GPR34: variants seen among roughly 807,000 people sequenced by gnomAD.
GPR34 encodes the protein probable G protein-coupled receptor 34.
A neutral mutation model predicts 14.1 loss-of-function variants in GPR34; 3 were observed. That is an observed-to-expected ratio of 0.21 (90% CI 0.10 to 0.55). The LOEUF (loss-of-function observed/expected upper bound fraction) is 0.55. GPR34 is among the 20% of genes least tolerant of loss of function. The pLI is 0.94. For missense variants in GPR34, 213 were observed against 292.8 expected, an observed-to-expected ratio of 0.73 and a Z score of 1.99; for synonymous variants, 99 against 99.9, an observed-to-expected ratio of 0.99 and a Z score of 0.05.
Position 41,692,131 on chromosome X carries a change from G to A in GPR34, c.-80+2296G>A, listed in dbSNP as rs1027349742. 4.5e-5 allele frequency among the ~76,000 whole-genome samples: 5 copies of A among 111,874 alleles called. No homozygotes were observed. The Admixed American group carries it at 4.8e-4, about 11-fold the overall frequency. ...GTATTGCAAGAATTATGTAAAGGAA[G>A]TAATATAAATGTGTTTAACACAGTG... On this transcript the variant is annotated intron_variant, in intron 2 of 2. Transcript: ENST00000378142.
intron 2 of GPR34, among the ~76,000 whole-genome samples, chrX:41,693,546 G>A (rs1201913405): frequency 3.6e-5 from 4 of 111,577 alleles, no homozygotes; most frequent in African/African-American, 9.8e-5. Context: ...GCCAGGGGGC[G>A]GAGGTTGCAG....
chrX:41,696,880 C>A lies in GPR34; in HGVS notation c.*101C>A. On this transcript the variant is annotated 3_prime_UTR_variant, in exon 3 of 3. Coordinates refer to ENST00000378142, the MANE Select transcript of GPR34 (RefSeq NM_001097579.2). ...TCTAGCATTTACAAAACTCAGATCTCAAAGCTCTGCTTGTATTTGTGATAT... is the reference window on the plus strand; with the variant it reads ...TCTAGCATTTACAAAACTCAGATCTAAAAGCTCTGCTTGTATTTGTGATAT... The A allele has an allele frequency of 2.1e-6, 1 of 485,047 alleles. No homozygotes were observed. The highest frequency in any genetic ancestry group is 5.4e-5 in the South Asian group (1 of 18,364). 40.0% of individuals were successfully genotyped at this position (485,047 alleles called of 1,213,427 possible). A position where few individuals can be genotyped will look rare whatever the true frequency, so the allele number is the denominator to read the frequency against.
In GPR34 at chrX:41,696,625, C is replaced by CAATAGTTACTTAGAT; in HGVS notation, c.992_993insAATAGTTACTTAGAT (p.Ser331_Ser332insIleValThrTer). ...GATCCAGTCATGTATTTCCTGATGT[C>CAATAGTTACTTAGAT]CAGTAACATTCGCAAAATAATGTGC... On this transcript the variant is annotated stop_gained and inframe_insertion, in exon 3 of 3. Coordinates refer to ENST00000378142, the MANE Select transcript of GPR34 (RefSeq NM_001097579.2). LOFTEE classifies it high-confidence loss of function. 8.3e-7 allele frequency: 1 copy of CAATAGTTACTTAGAT among 1,210,440 alleles called. No individual in the cohort carries two copies. The highest frequency in any genetic ancestry group is 1.1e-6 in the Non-Finnish European group (1 of 894,550).
Position 41,695,750 on chromosome X carries a change from A to C in GPR34, c.117A>C (p.Ala39=), listed in dbSNP as rs2067675010. ...ACCAACCGCCACAAAACTTCTCAGC[A>C]ACACCAAATGTTACTACCTGTCCCA... ...HSDQPPQNFS[A]TPNVTTCPMD... Residue 39 remains alanine (A), a synonymous_variant, in exon 3 of 3, where the codon GCA becomes GCC. Transcript: ENST00000378142. 3 of 1,209,890 alleles carry C rather than the reference A, an allele frequency of 2.5e-6. No homozygotes were observed. The highest frequency in any genetic ancestry group is 4.3e-5 in the Admixed American group (2 of 46,005).
chrX:41,689,409 T>A (rs948920473), intron 1 of GPR34, among the ~76,000 whole-genome samples: 7 of 112,154 alleles, frequency 6.2e-5, no homozygotes, highest in African/African-American at 2.3e-4. Context: ...TAAAAGTTAT[T>A]TTCATATGCA....
chrX:41,696,593 T>G lies in GPR34; in HGVS notation c.960T>G (p.Ser320Arg), dbSNP rs1478038532. The G allele has an allele frequency of 1.7e-6, 2 of 1,210,001 alleles. No homozygotes were observed. Among genetic ancestry groups the G allele is most frequent in the South Asian group, 3.5e-5 (2 of 56,904 alleles). Residue 320 changes from serine to arginine, a missense_variant, in exon 3 of 3, where the codon AGT (serine) becomes AGG (arginine). Transcript: ENST00000378142. ...TGCTGGTTCTCTCATCTTTCAATAG[T>G]TGCTTAGATCCAGTCATGTATTTCC... ...EIMLVLSSFN[S>R]CLDPVMYFLM...
chrX:41,696,903 T>G lies in GPR34; in HGVS notation c.*124T>G. On this transcript the variant is annotated 3_prime_UTR_variant, in exon 3 of 3. Coordinates refer to ENST00000378142, the MANE Select transcript of GPR34 (RefSeq NM_001097579.2). ...CTCAAAGCTCTGCTTGTATTTGTGA[T>G]ATTTCATTTGCTTAACTGTAAACCA... The G allele has an allele frequency of 2.3e-6, 1 of 432,133 alleles. No individual in the cohort carries two copies. 35.6% of individuals were successfully genotyped at this position (432,133 alleles called of 1,213,427 possible).
chrX:41,696,355 T>C lies in GPR34; in HGVS notation c.722T>C (p.Ile241Thr). ...CTAATAATCCTTTCATATATTAAGATTGGGAAGAATCTATTGAGGATTTCT... is the reference window on the plus strand; with the variant it reads ...CTAATAATCCTTTCATATATTAAGACTGGGAAGAATCTATTGAGGATTTCT... The part of the protein sequence containing the change: ...FLLIILSYIK[I>T]GKNLLRISKR... The change falls in exon 3 of 3, where the codon ATT becomes ACT. Residue 241 changes from isoleucine (I) to threonine (T), a missense_variant. By Grantham distance (89) the Ile-to-Thr change is moderately conservative. Coordinates refer to ENST00000378142, the MANE Select transcript of GPR34 (RefSeq NM_001097579.2). The C allele has an allele frequency of 8.5e-7, 1 of 1,173,168 alleles. No homozygotes were observed.
At position 41,696,757 on chromosome X, in the gene GPR34, A is replaced by G. The variant is rs755950157; in HGVS notation, c.1124A>G (p.Gln375Arg). Residue 375 changes from glutamine to arginine, a missense_variant, in exon 3 of 3, where the codon CAG becomes CGG. Transcript: ENST00000378142. ...GATACATCTGTGGCAGTGAAAATAC[A>G]GTCTAGTTCTAAAAGTACTTGAGGT... is the stretch of plus-strand genomic sequence containing the variant. ...LHDTSVAVKI[Q>R]SSSKST The G allele has an allele frequency of 8.5e-7, 1 of 1,177,144 alleles. No homozygotes were observed. Among genetic ancestry groups the G allele is most frequent in the South Asian group, 1.9e-5 (1 of 52,368 alleles).
intron 2 of GPR34, among the ~76,000 whole-genome samples, chrX:41,690,682 CT>C (rs1276110942): frequency 1.1e-5 from 1 of 89,106 alleles, no homozygotes; most frequent in Admixed American, 1.3e-4. Context: ...TTTTTATGTT[CT>C]TTTTTTTTGA....
At position 41,696,791 on chromosome X, in the gene GPR34, T is replaced by C. The variant is rs781351958; in HGVS notation, c.*12T>C. On this transcript the variant is annotated 3_prime_UTR_variant, in exon 3 of 3. Coordinates refer to ENST00000378142, the MANE Select transcript of GPR34 (RefSeq NM_001097579.2). ...CTAAAAGTACTTGAGGTAAACATAC[T>C]AAAATGAATTATATAATGCAGCCTC... 4.8e-5 allele frequency: 50 copies of C among 1,042,505 alleles called. No homozygotes were observed. Among genetic ancestry groups the C allele is most frequent in the Non-Finnish European group, 6.3e-5 (49 of 774,585 alleles). 85.9% of individuals were successfully genotyped at this position (1,042,505 alleles called of 1,213,427 possible). A position where few individuals can be genotyped will look rare whatever the true frequency, so the allele number is the denominator to read the frequency against.
At chrX:41,689,193 A>G (rs1280953228) in intron 1 of GPR34, 109 bp downstream of exon 1, 1 of 112,223 alleles carries the variant, frequency 8.9e-6, no homozygotes, top group Admixed American at 9.5e-5. Flanking sequence ...GGCTACTCTA[A>G]TGTCAGCAGT....
intron 2 of GPR34, among the ~76,000 whole-genome samples, chrX:41,691,619 G>A (rs1007056140): frequency 4.6e-5 from 5 of 109,384 alleles, no homozygotes; most frequent in Non-Finnish European, 9.5e-5. Flanking sequence ...AGCACTTTAG[G>A]AGGCAGAGGC....
intron 2 of GPR34, among the ~76,000 whole-genome samples, chrX:41,691,233 G>A (rs2067550805): frequency 9.0e-6 from 1 of 111,708 alleles, no homozygotes; most frequent in Non-Finnish European, 1.9e-5. Context: ...TGGCTATCGG[G>A]TCTAGAAGTT....
Position 41,696,007 on chromosome X carries a change from T to C in GPR34, c.374T>C (p.Ile125Thr). Residue 125 changes from isoleucine to threonine, a missense_variant, in exon 3 of 3, where the codon ATT becomes ACT. Coordinates refer to ENST00000378142, the MANE Select transcript of GPR34 (RefSeq NM_001097579.2). The part of the protein sequence containing the change: ...INQNKWTLGV[I>T]LCKVVGTLFY... Reference sequence around the variant, plus strand: ...CAAAACAAGTGGACACTAGGTGTGATTCTGTGCAAGGTTGTGGGAACACTG... The same window carrying C: ...CAAAACAAGTGGACACTAGGTGTGACTCTGTGCAAGGTTGTGGGAACACTG... The C allele has an allele frequency of 8.3e-7, 1 of 1,210,591 alleles. No homozygotes were observed. Among genetic ancestry groups the C allele is most frequent in the East Asian group, 3.0e-5 (1 of 33,863 alleles).
chrX:41,696,745 C>T lies in GPR34; in HGVS notation c.1112C>T (p.Ala371Val), dbSNP rs1416165884. The change falls in exon 3 of 3, where the codon GCA becomes GTA. Residue 371 changes from alanine (A) to valine (V), a missense_variant. Physicochemically the swap from Ala to Val is moderately conservative, Grantham distance 64 (BLOSUM62 0). Transcript: ENST00000378142. ...PGYSLHDTSV[A>V]VKIQSSSKST ...TACTCCCTGCATGATACATCTGTGG[C>T]AGTGAAAATACAGTCTAGTTCTAAA... 1 of 1,194,973 alleles carries T rather than the reference C, an allele frequency of 8.4e-7. No individual in the cohort carries two copies. Among genetic ancestry groups the T allele is most frequent in the Middle Eastern group, 2.3e-4 (1 of 4,282 alleles).
intron 2 of GPR34, among the ~76,000 whole-genome samples, chrX:41,694,801 T>C (rs2067647137): frequency 8.9e-6 from 1 of 111,888 alleles, no homozygotes; most frequent in African/African-American, 3.3e-5. Context: ...CTAAGACCCC[T>C]ACCTTGGTCT....
chrX:41,690,859 G>C (rs185339814), intron 2 of GPR34, among the ~76,000 whole-genome samples: 1 of 108,301 alleles, frequency 9.2e-6, no homozygotes, highest in East Asian at 2.9e-4. Flanking sequence ...TTTTTGTAGA[G>C]ACAGGGTTTC....
intron 2 of GPR34, among the ~76,000 whole-genome samples, chrX:41,694,173 A>T (rs1422112513): frequency 8.9e-6 from 1 of 112,666 alleles, no homozygotes; most frequent in Non-Finnish European, 1.9e-5. Context: ...GCTAACTTTT[A>T]TTAAGCAGTC....
Sources: gnomAD v4.1 joint callset for allele counts (sites outside exome capture counted in the v4.1 genomes callset) on GRCh38, gnomAD v4.1.1 for gene constraint, MANE v1.5 for transcripts, NCBI Gene and HGNC (gene_info 2026-07-23, HGNC 2026-07-21) for gene names.